The following SEPTIN9 variants were observed in gnomAD, a reference collection of about 807,000 sequenced individuals.
The protein encoded by SEPTIN9 is septin 9.
A neutral mutation model predicts 56.6 loss-of-function variants in SEPTIN9; 13 were observed. The observed-to-expected ratio is 0.23, with a 90% CI of 0.15 to 0.37. The LOEUF (loss-of-function observed/expected upper bound fraction) is 0.37. Ranked by LOEUF, SEPTIN9 falls within the 10% of genes least tolerant of loss-of-function variation. The probability of loss-of-function intolerance (pLI) is 1.00; values close to 1 mark genes in which losing one functional copy is unlikely to be tolerated. For synonymous variants in SEPTIN9, 332 were observed against 334.1 expected, an observed-to-expected ratio of 0.99 and a Z score of 0.07; for missense variants, 650 against 823.1, an observed-to-expected ratio of 0.79 and a Z score of 2.57.
chr17:77,488,330 C>T lies in SEPTIN9; in HGVS notation c.1124+9C>T. ...ATCAACAACGAGAACTGGTGAGGCC[C>T]CTCCAGGGGGAGGAGCACTAGCGGG... On this transcript the variant is annotated intron_variant, in intron 6 of 11. Transcript: ENST00000427177. 1.2e-6 allele frequency: 2 copies of T among 1,611,198 alleles called. No individual in the cohort carries two copies. Among genetic ancestry groups the T allele is most frequent in the Non-Finnish European group, 1.7e-6 (2 of 1,177,730 alleles).
chr17:77,450,116 G>T lies in SEPTIN9; in HGVS notation c.722-32028G>T, dbSNP rs540014515. Reference sequence around the variant, plus strand: ...GCTCCCCACGGCCGTTCACTGTGAGGGTGGGGAGGGCCGTGGGACCAGGAG... The same window carrying T: ...GCTCCCCACGGCCGTTCACTGTGAGTGTGGGGAGGGCCGTGGGACCAGGAG... On this transcript the variant is annotated intron_variant, in intron 3 of 11. Coordinates refer to ENST00000427177, the MANE Select transcript of SEPTIN9 (RefSeq NM_001113491.2). The surrounding 1 kb of genome is among the most constrained non-coding windows in gnomAD (Gnocchi z 6.0). Among the ~76,000 whole-genome samples the T allele has an allele frequency of 4.6e-5, 7 of 152,312 alleles. No individual in the cohort carries two copies. Among genetic ancestry groups the T allele is most frequent in the South Asian group, 2.1e-4 (1 of 4,822 alleles).
At chr17:77,390,740 C>T (rs958279632) in intron 2 of SEPTIN9, among the ~76,000 whole-genome samples, 16 of 152,248 alleles carry the variant, frequency 1.1e-4, no homozygotes, top group East Asian at 3.9e-4. Context: ...CGTGAGCCGC[C>T]GCGCCCGGCC....
intron 3 of SEPTIN9, among the ~76,000 whole-genome samples, chr17:77,406,174 G>C (rs1311313161): frequency 2.0e-5 from 3 of 152,208 alleles, no homozygotes; most frequent in Admixed American, 1.3e-4. Flanking sequence ...AGCCTTCTCT[G>C]CTCACTCACC....
intron 2 of SEPTIN9, among the ~76,000 whole-genome samples, chr17:77,321,850 C>T (rs77946446): frequency 0.23 from 35,370 of 152,192 alleles, 4,385 homozygotes; most frequent in Middle Eastern, 0.28. Flanking sequence ...TGTTTGAGCT[C>T]GGGGGCTCAG....
intron 2 of SEPTIN9, among the ~76,000 whole-genome samples, chr17:77,309,601 T>G (rs1266659016): frequency 6.6e-6 from 1 of 152,174 alleles, no homozygotes; most frequent in Non-Finnish European, 1.5e-5. Flanking sequence ...CTCCTATGTC[T>G]GGGACTCTTG....
intron 2 of SEPTIN9, among the ~76,000 whole-genome samples, chr17:77,382,857 C>T (rs1401348764): frequency 2.6e-5 from 4 of 152,030 alleles, no homozygotes; most frequent in African/African-American, 9.7e-5. Flanking sequence ...GAAGCAAAGG[C>T]GGGGTCCCTC....
chr17:77,427,286 C>A (rs1288087199), intron 3 of SEPTIN9: 3 of 152,312 alleles, frequency 2.0e-5, no homozygotes, highest in African/African-American at 7.2e-5. Context: ...CTGGGAGTGA[C>A]AGGAGACGGG....
chr17:77,304,405 C>A (rs2032180503), intron 1 of SEPTIN9, among the ~76,000 whole-genome samples: 2 of 152,174 alleles, frequency 1.3e-5, no homozygotes, highest in African/African-American at 4.8e-5. Context: ...TGCTGTTTTC[C>A]CCACCGTTTC....
rs2038976236 is a variant in SEPTIN9, at chr17:77,471,083, C to CT, written c.722-11059dup. ...AGAAAACAATTCCAGTCTCTCAACT[C>CT]TTGTCAGTCCAGGTGGGTGCTGCAT... On this transcript the variant is annotated intron_variant, in intron 3 of 11. Transcript: ENST00000427177. 3.3e-5 allele frequency: 5 copies of CT among 152,430 alleles called. No individual in the cohort carries two copies. The South Asian group carries it at 1.0e-3, about 32-fold the overall frequency. 9.4% of individuals were successfully genotyped at this position (152,430 alleles called of 1,614,324 possible).
At chr17:77,416,318 G>A (rs2036506598) in intron 3 of SEPTIN9, among the ~76,000 whole-genome samples, 1 of 152,190 alleles carries the variant, frequency 6.6e-6, no homozygotes, top group Non-Finnish European at 1.5e-5. Context: ...GGTGAGAACG[G>A]CACCCGGTAT....
At chr17:77,297,398 G>A (rs149012841) in intron 1 of SEPTIN9, among the ~76,000 whole-genome samples, 4 of 152,246 alleles carry the variant, frequency 2.6e-5, no homozygotes, top group Non-Finnish European at 5.9e-5. Flanking sequence ...TATTGAGGGA[G>A]GATCTTTACC....
chr17:77,486,641 T>C (rs565272176), intron 4 of SEPTIN9, among the ~76,000 whole-genome samples: 1 of 151,954 alleles, frequency 6.6e-6, no homozygotes, highest in South Asian at 2.1e-4. Flanking sequence ...GTTGTGCATG[T>C]GAAGTGTGTG....
At chr17:77,480,823 G>A (rs1026634768) in intron 3 of SEPTIN9, among the ~76,000 whole-genome samples, 1 of 152,208 alleles carries the variant, frequency 6.6e-6, no homozygotes, top group African/African-American at 2.4e-5. Flanking sequence ...CTCCCTGGGA[G>A]GCAGGATGGG....
Position 77,488,670 on chromosome 17 carries a change from A to T in SEPTIN9, c.1125-57A>T, listed in dbSNP as rs2143356179. ...GGGCTCTGAGTCCTGGGAATGCACG[A>T]CCTGCTTGGGGAGGGCATCTCATGT... On this transcript the variant is annotated intron_variant, in intron 6 of 11. Coordinates refer to ENST00000427177, the MANE Select transcript of SEPTIN9 (RefSeq NM_001113491.2). The T allele has an allele frequency of 3.7e-6, 6 of 1,609,518 alleles. No individual in the cohort carries two copies. In the African/African-American group the frequency reaches 4.0e-5, roughly 11 times the overall value.
At chr17:77,473,369 A>C (rs78510172) in intron 3 of SEPTIN9, among the ~76,000 whole-genome samples, 2,778 of 152,116 alleles carry the variant, frequency 0.018, 75 homozygotes, top group African/African-American at 0.061. Flanking sequence ...CATCACACCA[A>C]GTTTGTTTGT....
At chr17:77,481,583 G>C (rs910011913) in intron 3 of SEPTIN9, among the ~76,000 whole-genome samples, 1 of 152,074 alleles carries the variant, frequency 6.6e-6, no homozygotes, top group Non-Finnish European at 1.5e-5. Context: ...TGTGGGAGGC[G>C]GGGACACACG....
chr17:77,464,713 G>GC (rs1445372596), intron 3 of SEPTIN9, among the ~76,000 whole-genome samples: 1 of 151,310 alleles, frequency 6.6e-6, no homozygotes, highest in Non-Finnish European at 1.5e-5. Context: ...CCATTCTCCT[G>GC]CCTCAGCCTC....
chr17:77,396,801 A>G (rs2035731859), intron 2 of SEPTIN9, among the ~76,000 whole-genome samples: 1 of 152,014 alleles, frequency 6.6e-6, no homozygotes, highest in Non-Finnish European at 1.5e-5. Flanking sequence ...ATTGCCACAT[A>G]TCCCAGCAAT....
chr17:77,325,182 G>A (rs1361310980), intron 2 of SEPTIN9, among the ~76,000 whole-genome samples: 1 of 152,160 alleles, frequency 6.6e-6, no homozygotes, highest in African/African-American at 2.4e-5. Flanking sequence ...TCTGTTGCCT[G>A]TGCTTTTGGC....
Sources: allele counts gnomAD v4.1 joint callset (sites outside exome capture counted in the v4.1 genomes callset), GRCh38; gene constraint gnomAD v4.1.1; non-coding constraint Gnocchi (gnomAD v3.1); transcripts MANE v1.5; gene names NCBI Gene and HGNC (gene_info 2026-07-23, HGNC 2026-07-21).